NTM: variants seen among roughly 807,000 people sequenced by gnomAD.
NTM encodes the protein IgLON family member 2.
A neutral mutation model predicts 42.1 loss-of-function variants in NTM; 13 were observed. The observed-to-expected ratio is 0.31, with a 90% CI of 0.20 to 0.49. The LOEUF (loss-of-function observed/expected upper bound fraction) is 0.49, where lower values mean the gene tolerates loss of function less well. Ranked by LOEUF, NTM falls within the 20% of genes least tolerant of loss-of-function variation. The pLI is 0.99. For synonymous variants in NTM, 187 were observed against 179.2 expected, an observed-to-expected ratio of 1.04 and a Z score of -0.35; for missense variants, 373 against 452.8, an observed-to-expected ratio of 0.82 and a Z score of 1.60.
intron 2 of NTM, among the ~76,000 whole-genome samples, chr11:132,069,779 G>T (rs1409999901): frequency 8.6e-6 from 1 of 116,218 alleles, no homozygotes; most frequent in East Asian, 2.7e-4. Context: ...TCAAACTGAC[G>T]ATCACAGGTT....
intron 1 of NTM, among the ~76,000 whole-genome samples, chr11:131,554,941 G>A (rs1237666676): frequency 6.6e-6 from 1 of 152,102 alleles, no homozygotes. Context: ...AGCTGTCTCT[G>A]GGTGGCCAGA....
chr11:131,659,885 A>C (rs1391771907), intron 1 of NTM, among the ~76,000 whole-genome samples: 1 of 152,202 alleles, frequency 6.6e-6, no homozygotes, highest in Non-Finnish European at 1.5e-5. Flanking sequence ...TGGAAAACTG[A>C]AACCTTTAAG....
At chr11:132,013,277 A>G (rs527950634) in intron 2 of NTM, among the ~76,000 whole-genome samples, 74 of 152,158 alleles carry the variant, frequency 4.9e-4, no homozygotes, top group Non-Finnish European at 9.6e-4. Context: ...CAAGAAACCT[A>G]AAAGAAAAGA....
chr11:131,397,329 C>T (rs1169679805), intron 1 of NTM, among the ~76,000 whole-genome samples: 5 of 151,960 alleles, frequency 3.3e-5, no homozygotes, highest in African/African-American at 9.7e-5. Context: ...TAGCAGATGC[C>T]TCATCAATTT....
In NTM at chr11:131,863,785, C is replaced by T. The variant is rs550960057; in HGVS notation, c.83-47779C>T. On this transcript the variant is annotated intron_variant, in intron 1 of 8. Coordinates refer to ENST00000683400, the MANE Select transcript of NTM (RefSeq NM_001352005.2). ...CCACAGGTTCAGGATGTCCTGCTGC[C>T]AATCAAACATGAGCTCCCATGCCAC... Among the ~76,000 whole-genome samples, 33 of 152,320 alleles carry T rather than the reference C, an allele frequency of 2.2e-4. No homozygotes were observed. The South Asian group carries it at 6.8e-3, about 32-fold the overall frequency.
At chr11:132,205,285 G>A (rs1040710510) in intron 3 of NTM, among the ~76,000 whole-genome samples, 1 of 152,134 alleles carries the variant, frequency 6.6e-6, no homozygotes, top group Non-Finnish European at 1.5e-5. Context: ...ACTGCACAGT[G>A]CTTCATAAAG....
chr11:131,828,701 T>G (rs2042436718), intron 1 of NTM, among the ~76,000 whole-genome samples: 1 of 152,110 alleles, frequency 6.6e-6, no homozygotes, highest in South Asian at 2.1e-4. Context: ...TTTCCAGGTT[T>G]CACGGCACGT....
chr11:131,579,547 A>T (rs1313278409), intron 1 of NTM, among the ~76,000 whole-genome samples: 1 of 152,190 alleles, frequency 6.6e-6, no homozygotes, highest in Non-Finnish European at 1.5e-5. Context: ...AACAAAATAG[A>T]GCTTTTAATG....
At chr11:132,066,267 T>C (rs1343710783) in intron 2 of NTM, among the ~76,000 whole-genome samples, 1 of 152,222 alleles carries the variant, frequency 6.6e-6, no homozygotes, top group African/African-American at 2.4e-5. Flanking sequence ...CTGTGAATCT[T>C]TCTCAGTCTC....
chr11:131,861,559 G>T (rs955485456), intron 1 of NTM, among the ~76,000 whole-genome samples: 2 of 152,130 alleles, frequency 1.3e-5, no homozygotes, highest in African/African-American at 4.8e-5. Context: ...GTCTCACCGG[G>T]TTACATTTTG....
chr11:131,924,893 A>G (rs1167978694), intron 2 of NTM, among the ~76,000 whole-genome samples: 1 of 152,248 alleles, frequency 6.6e-6, no homozygotes, highest in Admixed American at 6.5e-5. Flanking sequence ...AAATATACAG[A>G]TGTAGTTTCT....
intron 3 of NTM, among the ~76,000 whole-genome samples, chr11:132,196,113 C>T (rs2080161218): frequency 1.3e-5 from 2 of 151,974 alleles, no homozygotes; most frequent in African/African-American, 4.8e-5. Flanking sequence ...AAACAAATAA[C>T]CCCATTAAAA....
At chr11:131,915,678 C>T (rs2056202752) in intron 2 of NTM, among the ~76,000 whole-genome samples, 1 of 152,166 alleles carries the variant, frequency 6.6e-6, no homozygotes, top group African/African-American at 2.4e-5. Context: ...GTTTAATGGA[C>T]TCACAGTTCC....
chr11:132,221,205 T>C (rs2085099325), intron 4 of NTM, among the ~76,000 whole-genome samples: 1 of 152,200 alleles, frequency 6.6e-6, no homozygotes, highest in African/African-American at 2.4e-5. Flanking sequence ...GGAGTCTAAA[T>C]AACACCAGAG....
At chr11:131,602,565 C>T (rs1000134887) in intron 1 of NTM, among the ~76,000 whole-genome samples, 4 of 152,084 alleles carry the variant, frequency 2.6e-5, no homozygotes, top group African/African-American at 7.2e-5. Context: ...TTTAAAATTG[C>T]TTCAGATTCT....
intron 1 of NTM, among the ~76,000 whole-genome samples, chr11:131,385,076 C>A (rs1368285773): frequency 6.6e-6 from 1 of 152,204 alleles, no homozygotes; most frequent in Non-Finnish European, 1.5e-5. Flanking sequence ...CTCCTGGAGG[C>A]CATCATGTGG....
intron 1 of NTM, among the ~76,000 whole-genome samples, chr11:131,470,507 C>A (rs542701008): frequency 1.3e-4 from 20 of 152,214 alleles, no homozygotes; most frequent in Non-Finnish European, 2.9e-4. Context: ...CACACTGGCA[C>A]ACGTTGCTAC....
At chr11:131,595,575 G>T (rs1257449347) in intron 1 of NTM, among the ~76,000 whole-genome samples, 5 of 152,174 alleles carry the variant, frequency 3.3e-5, no homozygotes, top group African/African-American at 1.2e-4. Flanking sequence ...ATAAATAAAT[G>T]ATATTTAGAG....
In NTM at chr11:131,452,974, C is replaced by A. The variant is rs566942611; in HGVS notation, c.82+82086C>A. ...CAATGTCCTGGGTGATAAAAGCATG[C>A]ACGACTCTGGTTTCTTTTTCTCTGG... On this transcript the variant is annotated intron_variant, in intron 1 of 8. Coordinates refer to ENST00000683400, the MANE Select transcript of NTM (RefSeq NM_001352005.2). 1.3e-4 allele frequency among the ~76,000 whole-genome samples: 20 copies of A among 152,308 alleles called. No homozygotes were observed. The South Asian group carries it at 3.9e-3, about 30-fold the overall frequency.
Sources: allele counts gnomAD v4.1 joint callset (sites outside exome capture counted in the v4.1 genomes callset), GRCh38; gene constraint gnomAD v4.1.1; transcripts MANE v1.5; gene names NCBI Gene and HGNC (gene_info 2026-07-23, HGNC 2026-07-21).